CCDC14: variants seen among roughly 807,000 people sequenced by gnomAD.
CCDC14 encodes the protein coiled-coil domain-containing protein 14.
CCDC14 carries 71 observed loss-of-function variants against 81.4 expected under a neutral mutation model. The observed-to-expected ratio is 0.87, with a 90% CI of 0.72 to 1.06. The LOEUF (loss-of-function observed/expected upper bound fraction) is 1.06, where lower values mean the gene tolerates loss of function less well. Among genes scored for constraint, CCDC14 ranks in the 50% least tolerant of loss-of-function variants. The pLI is 0.00. For missense variants in CCDC14, 1,046 were observed against 1,047.3 expected (o/e 1.00, Z 0.02); for synonymous variants, 332 against 364.8 (o/e 0.91, Z 1.03).
intron 1 of CCDC14, chr3:123,958,319 T>C (rs1421850556): frequency 6.6e-6 from 1 of 152,142 alleles, no homozygotes; most frequent in Non-Finnish European, 1.5e-5. Flanking sequence ...CTGAGGTATA[T>C]GTCTGGCATA....
chr3:123,892,955 C>T (rs2034011456), downstream of CCDC14, among the ~76,000 whole-genome samples: 1 of 151,964 alleles, frequency 6.6e-6, no homozygotes, highest in Non-Finnish European at 1.5e-5. Context: ...TAGGTGCGTG[C>T]CACAACACCT....
chr3:123,956,477 A>G (rs1559809425), intron 2 of CCDC14, 50 bp from the exon 3 acceptor site: 6 of 1,274,922 alleles, frequency 4.7e-6, no homozygotes, highest in South Asian at 1.4e-5. Flanking sequence ...CCCAAAATAT[A>G]TTAGTAAGTA....
chr3:123,886,362 T>A, the CCDC14 span, among the ~76,000 whole-genome samples: 1 of 116,572 alleles, frequency 8.6e-6, no homozygotes, highest in Non-Finnish European at 2.2e-5. Context: ...CTTTCTTTTT[T>A]TCTTTCTTTC....
At chr3:123,935,673 C>G (rs1325240645) in intron 9 of CCDC14, among the ~76,000 whole-genome samples, 1 of 152,176 alleles carries the variant, frequency 6.6e-6, no homozygotes, top group African/African-American at 2.4e-5. Context: ...ATAATGTGAG[C>G]TTATTTTTGT....
chr3:123,915,520 C>T lies in CCDC14; in HGVS notation c.1977G>A (p.Glu659=), dbSNP rs778123014. ...LETNYSFTHS[E]PLSTIKNEET... The stretch of plus-strand genomic sequence containing the variant: ...CCTCATTTTTAATTGTAGAAAGTGG[C>T]TCTGAATGTGTAAAACTGTAATTTG... Residue 659 remains glutamate, a synonymous_variant, in exon 13 of 13, where the codon GAG becomes GAA. Transcript: ENST00000409697. 6.2e-7 allele frequency: 1 copy of T among 1,613,952 alleles called. No homozygotes were observed. Among genetic ancestry groups the T allele is most frequent in the Admixed American group, 1.7e-5 (1 of 60,022 alleles).
chr3:123,922,575 G>A (rs2035116676), intron 12 of CCDC14, among the ~76,000 whole-genome samples: 1 of 152,040 alleles, frequency 6.6e-6, no homozygotes, highest in Non-Finnish European at 1.5e-5. Flanking sequence ...AAGTTACTAT[G>A]AGCAATTATA....
At chr3:123,940,513 T>C (rs1006179040) in intron 9 of CCDC14, among the ~76,000 whole-genome samples, 1 of 152,008 alleles carries the variant, frequency 6.6e-6, no homozygotes, top group East Asian at 1.9e-4. Context: ...ATTTTAATGC[T>C]ATGCAAAATC....
At chr3:123,949,450 G>T in intron 5 of CCDC14, 1 of 275,588 alleles carries the variant, frequency 3.6e-6, no homozygotes, top group Non-Finnish European at 6.9e-6. Flanking sequence ...CTAAAGTCCA[G>T]TCAAACTCCT....
At chr3:123,934,975 A>C (rs2035976638) in intron 9 of CCDC14, among the ~76,000 whole-genome samples, 1 of 152,194 alleles carries the variant, frequency 6.6e-6, no homozygotes, top group Non-Finnish European at 1.5e-5. Flanking sequence ...GAAAAGAACG[A>C]AAGATTTAAC....
At chr3:123,938,343 A>C (rs1322363798) in intron 9 of CCDC14, among the ~76,000 whole-genome samples, 1 of 151,860 alleles carries the variant, frequency 6.6e-6, no homozygotes. Flanking sequence ...CATATTTTTC[A>C]AATTTATCCC....
chr3:123,960,793 A>G (rs549927486), intron 1 of CCDC14, among the ~76,000 whole-genome samples: 20 of 152,270 alleles, frequency 1.3e-4, no homozygotes, highest in African/African-American at 4.8e-4. Context: ...CAGCTAAGGA[A>G]TAGGAAGTTC....
chr3:123,924,956 C>T (rs1001270916), intron 12 of CCDC14, among the ~76,000 whole-genome samples: 8 of 122,494 alleles, frequency 6.5e-5, no homozygotes, highest in South Asian at 2.7e-4. Flanking sequence ...TACATATATA[C>T]ACACACACAC....
At chr3:123,903,005 T>A (rs1056763196) in intron 5 of CCDC14, among the ~76,000 whole-genome samples, 3 of 152,094 alleles carry the variant, frequency 2.0e-5, no homozygotes, top group African/African-American at 7.2e-5. Context: ...TGTGTGATGT[T>A]TCCCTCCCTG....
chr3:123,899,832 G>A (rs2034143995), intron 5 of CCDC14, among the ~76,000 whole-genome samples: 1 of 152,164 alleles, frequency 6.6e-6, no homozygotes. Context: ...GCTACTCATC[G>A]TAATGTCAAC....
intron 5 of CCDC14, among the ~76,000 whole-genome samples, chr3:123,902,366 A>C (rs1027883643): frequency 6.6e-6 from 1 of 152,234 alleles, no homozygotes; most frequent in Non-Finnish European, 1.5e-5. Context: ...CTGAGCATCA[A>C]TGGTTGCTAA....
Position 123,949,188 on chromosome 3 carries a change from G to A in CCDC14, c.353-56C>T, listed in dbSNP as rs181517712. On this transcript the variant is annotated intron_variant, in intron 5 of 12. Coordinates refer to ENST00000409697, the MANE Select transcript of CCDC14 (RefSeq NM_001366335.1). ...ATATGATTCTTCAAAAACTTTTACCGTAAGATTTTAAGAGAAGAAAGGGCT... is the reference window on the plus strand; with the variant it reads ...ATATGATTCTTCAAAAACTTTTACCATAAGATTTTAAGAGAAGAAAGGGCT... 171 of 1,129,868 alleles carry A rather than the reference G, an allele frequency of 1.5e-4. No individual in the cohort carries two copies. The African/African-American group carries it at 2.1e-3, about 14-fold the overall frequency. 70.0% of individuals were successfully genotyped at this position (1,129,868 alleles called of 1,614,324 possible). A position where few individuals can be genotyped will look rare whatever the true frequency, so the allele number is the denominator to read the frequency against.
chr3:123,936,766 A>AATAACATGT (rs1234150382), intron 9 of CCDC14, among the ~76,000 whole-genome samples: 7 of 152,068 alleles, frequency 4.6e-5, no homozygotes, highest in African/African-American at 1.7e-4. Flanking sequence ...TGGGTGATGT[A>AATAACATGT]ATAACATGTA....
At chr3:123,928,391 A>C (rs547416935) in intron 12 of CCDC14, among the ~76,000 whole-genome samples, 14 of 150,272 alleles carry the variant, frequency 9.3e-5, no homozygotes, top group African/African-American at 2.5e-4. Context: ...CTGTAGTCCC[A>C]GCTACTGGGG....
chr3:123,925,769 G>A (rs897662070), intron 12 of CCDC14, among the ~76,000 whole-genome samples: 34 of 152,168 alleles, frequency 2.2e-4, no homozygotes, highest in African/African-American at 7.9e-4. Flanking sequence ...ATCCAACATT[G>A]CTAAAAAAGT....
Sources: allele counts gnomAD v4.1 joint callset (sites outside exome capture counted in the v4.1 genomes callset), GRCh38; gene constraint gnomAD v4.1.1; transcripts MANE v1.5; gene names NCBI Gene and HGNC (gene_info 2026-07-23, HGNC 2026-07-21).